TTLL11: variants seen among roughly 807,000 people sequenced by gnomAD.
TTLL11 encodes tubulin tyrosine ligase like 11.
In TTLL11, 42 loss-of-function variants were observed where a neutral mutation model predicts 51.7. The observed-to-expected ratio is 0.81, with a 90% CI of 0.64 to 1.05. The LOEUF (loss-of-function observed/expected upper bound fraction) is 1.05, where lower values mean the gene tolerates loss of function less well. TTLL11 is among the 50% of genes least tolerant of loss of function. The pLI is 0.00. For synonymous variants in TTLL11, 381 were observed against 383.5 expected (o/e 0.99, Z 0.08); for missense variants, 799 against 940.4 (o/e 0.85, Z 1.97).
intron 6 of TTLL11, among the ~76,000 whole-genome samples, chr9:121,895,445 G>A (rs1382970572): frequency 1.3e-5 from 2 of 151,140 alleles, no homozygotes; most frequent in Non-Finnish European, 3.0e-5. Flanking sequence ...GTCTGTGCAC[G>A]TTTGTGTGGT....
intron 6 of TTLL11, among the ~76,000 whole-genome samples, chr9:121,932,417 G>A (rs982582208): frequency 6.6e-6 from 1 of 152,118 alleles, no homozygotes; most frequent in Non-Finnish European, 1.5e-5. Context: ...TACATAACAG[G>A]TTCTCAGGAT....
At chr9:121,895,083 A>G (rs1203533777) in intron 6 of TTLL11, among the ~76,000 whole-genome samples, 2 of 152,120 alleles carry the variant, frequency 1.3e-5, no homozygotes, top group Non-Finnish European at 1.5e-5. Flanking sequence ...AAAGATAAAG[A>G]CAGGGGACTA....
intron 6 of TTLL11, among the ~76,000 whole-genome samples, chr9:121,875,200 A>G (rs143835545): frequency 2.5e-4 from 38 of 152,306 alleles, no homozygotes; most frequent in Non-Finnish European, 4.6e-4. Flanking sequence ...AAGAAATTTA[A>G]ATCCAGATAG....
At chr9:121,826,815 C>A (rs1324220364) in intron 8 of TTLL11, among the ~76,000 whole-genome samples, 5 of 151,740 alleles carry the variant, frequency 3.3e-5, no homozygotes, top group Admixed American at 3.3e-4. Flanking sequence ...GACAGTGGGG[C>A]CTTGCAGAAT....
intron 6 of TTLL11, among the ~76,000 whole-genome samples, chr9:121,916,385 C>T (rs79559318): frequency 0.024 from 3,602 of 152,122 alleles, 48 homozygotes; most frequent in Middle Eastern, 0.071. Context: ...TAGTGGTTGT[C>T]GCTGGGAAGT....
intron 3 of TTLL11, among the ~76,000 whole-genome samples, chr9:121,994,668 C>T (rs1393100072): frequency 6.6e-6 from 1 of 152,180 alleles, no homozygotes; most frequent in Non-Finnish European, 1.5e-5. Flanking sequence ...AAGTAAGAGT[C>T]TCATAGGGAA....
At chr9:122,051,839 G>C (rs191188485) in intron 1 of TTLL11, among the ~76,000 whole-genome samples, 1 of 152,128 alleles carries the variant, frequency 6.6e-6, no homozygotes, top group East Asian at 1.9e-4. Context: ...CCTTGGTCAG[G>C]GCTCTCCTGG....
At position 122,017,443 on chromosome 9, in the gene TTLL11, T is replaced by C. The variant is rs367622171; in HGVS notation, c.693+14280A>G. 5.3e-5 allele frequency among the ~76,000 whole-genome samples: 8 copies of C among 151,566 alleles called. No homozygotes were observed. The East Asian group carries it at 9.7e-4, about 18-fold the overall frequency. ...TGTTGAACCAAAAAATATGAGAATA[T>C]CTCAATGTTCATCAACAACAGGGTG... On this transcript the variant is annotated intron_variant, in intron 3 of 8. Transcript: ENST00000321582.
intron 6 of TTLL11, among the ~76,000 whole-genome samples, chr9:121,873,830 A>ATTTT (rs1838456752): frequency 4.3e-5 from 3 of 69,874 alleles, no homozygotes; most frequent in Admixed American, 1.3e-4. Context: ...CATTAGCCTG[A>ATTTT]CTTTTTTTTT....
At chr9:121,879,844 G>A (rs1290599644) in intron 6 of TTLL11, among the ~76,000 whole-genome samples, 1 of 14,348 alleles carries the variant, frequency 7.0e-5, no homozygotes, top group African/African-American at 4.3e-4. Flanking sequence ...ACGCACCTGC[G>A]GTCCTAACTA....
At chr9:121,943,000 C>T (rs973233284) in intron 6 of TTLL11, among the ~76,000 whole-genome samples, 6 of 152,074 alleles carry the variant, frequency 3.9e-5, no homozygotes, top group Admixed American at 2.0e-4. Flanking sequence ...AGACCCTTGG[C>T]GCTGGCAGTC....
chr9:121,830,906 C>T (rs188623288), intron 8 of TTLL11, among the ~76,000 whole-genome samples: 127 of 152,274 alleles, frequency 8.3e-4, no homozygotes, highest in African/African-American at 2.8e-3. Flanking sequence ...TATGTTGAAA[C>T]CCAGTGGTAG....
intron 3 of TTLL11, among the ~76,000 whole-genome samples, chr9:121,999,924 T>C (rs1843410041): frequency 6.6e-6 from 1 of 152,190 alleles, no homozygotes; most frequent in Non-Finnish European, 1.5e-5. Flanking sequence ...AAGGCCACAC[T>C]TTTTCTGCTA....
chr9:121,931,418 A>C (rs4344151), intron 6 of TTLL11, among the ~76,000 whole-genome samples: 138,515 of 152,018 alleles, frequency 0.91, 63,572 homozygotes, highest in Non-Finnish European at 0.97. Context: ...TTCTCCCACA[A>C]CGTCTCACCC....
intron 6 of TTLL11, among the ~76,000 whole-genome samples, chr9:121,952,444 C>CAAAAA (rs67882979): frequency 4.9e-5 from 6 of 121,912 alleles, no homozygotes; most frequent in Admixed American, 8.6e-5. Context: ...GACTCCGCCT[C>CAAAAA]AAAAAAAAAA....
intron 6 of TTLL11, among the ~76,000 whole-genome samples, chr9:121,960,403 A>G (rs1842182324): frequency 6.6e-6 from 1 of 152,126 alleles, no homozygotes; most frequent in African/African-American, 2.4e-5. Flanking sequence ...ACAGCTATGA[A>G]TGTTCTGGAG....
intron 3 of TTLL11, among the ~76,000 whole-genome samples, chr9:122,017,677 G>A (rs1232602719): frequency 1.3e-5 from 2 of 152,104 alleles, no homozygotes; most frequent in Admixed American, 6.5e-5. Flanking sequence ...TGGCTAGGCT[G>A]GTCTCGAACT....
At chr9:122,063,975 A>G (rs1227969918) in intron 1 of TTLL11, among the ~76,000 whole-genome samples, 1 of 152,240 alleles carries the variant, frequency 6.6e-6, no homozygotes, top group East Asian at 1.9e-4. Flanking sequence ...AAACAATAAA[A>G]TTCTGAATTT....
intron 8 of TTLL11, among the ~76,000 whole-genome samples, chr9:121,829,964 G>C (rs1349438972): frequency 6.6e-6 from 1 of 152,058 alleles, no homozygotes; most frequent in Non-Finnish European, 1.5e-5. Context: ...TAAATCCATG[G>C]GTACATGGCT....
Sources: gnomAD v4.1 joint callset for allele counts (sites outside exome capture counted in the v4.1 genomes callset) on GRCh38, gnomAD v4.1.1 for gene constraint, MANE v1.5 for transcripts, NCBI Gene and HGNC (gene_info 2026-07-23, HGNC 2026-07-21) for gene names.